NAF1: variants seen among roughly 807,000 people sequenced by gnomAD.
NAF1 encodes the protein nuclear assembly factor 1 ribonucleoprotein, also known as H/ACA ribonucleoprotein complex non-core subunit NAF1.
In NAF1, 11 loss-of-function variants were observed where a neutral mutation model predicts 40.6. The observed-to-expected ratio is 0.27, with a 90% confidence interval of 0.17 to 0.45. The LOEUF (loss-of-function observed/expected upper bound fraction) is 0.45. Ranked by LOEUF, NAF1 falls within the 20% of genes least tolerant of loss-of-function variation. The pLI is 1.00. For synonymous variants in NAF1, 260 were observed against 228.5 expected, an observed-to-expected ratio of 1.14 and a Z score of -1.24; for missense variants, 607 against 611.1, an observed-to-expected ratio of 0.99 and a Z score of 0.07.
intron 2 of NAF1, among the ~76,000 whole-genome samples, chr4:163,160,423 T>C (rs1732170665): frequency 6.7e-6 from 1 of 148,252 alleles, no homozygotes; most frequent in Non-Finnish European, 1.5e-5. Context: ...GGTTATAACC[T>C]AATTTTAAAA....
chr4:163,136,356 A>AG (rs947562682), intron 6 of NAF1: 3 of 150,598 alleles, frequency 2.0e-5, no homozygotes, highest in Admixed American at 2.0e-4. Flanking sequence ...CAAAAAAAAA[A>AG]CTGTAATACT....
chr4:163,162,965 C>T lies in NAF1; in HGVS notation c.540+1252G>A, dbSNP rs1732287327. The stretch of plus-strand genomic sequence containing the variant: ...CCTAAACAAATATGCTAAGACTTTG[C>T]ATTAAATTGGAAGAAATTCCCAAGG... On this transcript the variant is annotated intron_variant, in intron 2 of 7. Coordinates refer to ENST00000274054, the MANE Select transcript of NAF1 (RefSeq NM_138386.3). Among the ~76,000 whole-genome samples the T allele has an allele frequency of 2.0e-5, 3 of 152,218 alleles. No homozygotes were observed. The South Asian group carries it at 6.2e-4, about 32-fold the overall frequency.
intron 2 of NAF1, among the ~76,000 whole-genome samples, chr4:163,153,340 C>A (rs1223411057): frequency 6.6e-6 from 1 of 152,184 alleles, no homozygotes; most frequent in Non-Finnish European, 1.5e-5. Flanking sequence ...TGTGGAGAGT[C>A]TCTATATCTA....
chr4:163,104,609 A>G, the NAF1 span, among the ~76,000 whole-genome samples: 1 of 152,180 alleles, frequency 6.6e-6, no homozygotes, highest in Non-Finnish European at 1.5e-5. Context: ...AGTATCAAGA[A>G]TAGATATTTA....
Position 163,155,160 on chromosome 4 carries a change from G to T in NAF1, c.541-6726C>A, listed in dbSNP as rs117398560. 8.2e-4 allele frequency among the ~76,000 whole-genome samples: 125 copies of T among 152,286 alleles called. 3 individuals are homozygous for T. The South Asian group carries it at 0.017, about 20-fold the overall frequency. ...TTTCAACTAGCAAATTTAATCTACT[G>T]TATCACTACCAAGCCTAGTCATTCT... On this transcript the variant is annotated intron_variant, in intron 2 of 7. Coordinates refer to ENST00000274054, the MANE Select transcript of NAF1 (RefSeq NM_138386.3).
chr4:163,131,209 C>T (rs1469557321), intron 7 of NAF1, among the ~76,000 whole-genome samples: 1 of 152,086 alleles, frequency 6.6e-6, no homozygotes, highest in Admixed American at 6.6e-5. Context: ...TTAGATAGGA[C>T]ATCAAAGGCA....
In NAF1 at chr4:163,128,790, T is replaced by C; in HGVS notation, c.*107A>G. The C allele has an allele frequency of 3.8e-6, 5 of 1,322,440 alleles. No individual in the cohort carries two copies. Among genetic ancestry groups the C allele is most frequent in the Non-Finnish European group, 5.0e-6 (5 of 999,650 alleles). The allele number at this position is 1,322,440 out of a possible 1,614,324, so 81.9% of individuals were successfully genotyped here. A position where few individuals can be genotyped will look rare whatever the true frequency, so the allele number is the denominator to read the frequency against. On this transcript the variant is annotated 3_prime_UTR_variant, in exon 8 of 8. Transcript: ENST00000274054. ...ACTTACAACAGAAGGAATCATTTAG[T>C]ATTTTACAGTGTTTTTAAAAATCTA...
intron 4 of NAF1, among the ~76,000 whole-genome samples, chr4:163,142,869 C>T (rs752712808): frequency 2.0e-5 from 3 of 152,180 alleles, no homozygotes; most frequent in Non-Finnish European, 4.4e-5. Context: ...AGGCTCAGGC[C>T]GGCCCACTTC....
intron 6 of NAF1, 101 bp downstream of exon 6, chr4:163,137,098 A>G (rs1731088402): frequency 8.4e-6 from 11 of 1,308,206 alleles, no homozygotes; most frequent in Non-Finnish European, 1.1e-6. Flanking sequence ...TATGGCTGCT[A>G]GCCAGTATTA....
intron 2 of NAF1, among the ~76,000 whole-genome samples, chr4:163,149,926 G>T (rs1560799435): frequency 6.6e-6 from 1 of 152,088 alleles, no homozygotes; most frequent in South Asian, 2.1e-4. Context: ...AATTGTGAGG[G>T]GAGTTTCACA....
At chr4:163,117,848 T>C (rs989093953) in intron 2 of NAF1, among the ~76,000 whole-genome samples, 25 of 152,190 alleles carry the variant, frequency 1.6e-4, no homozygotes, top group African/African-American at 4.8e-4. Flanking sequence ...ACCTTGCAGA[T>C]TGATTAGCCT....
At chr4:163,121,103 C>A (rs1730506690) in intron 2 of NAF1, among the ~76,000 whole-genome samples, 1 of 152,108 alleles carries the variant, frequency 6.6e-6, no homozygotes, top group African/African-American at 2.4e-5. Context: ...GTTGGCCAGG[C>A]TGGTCTCGAA....
At chr4:163,143,642 A>G (rs1316044400) in intron 4 of NAF1, among the ~76,000 whole-genome samples, 1 of 152,182 alleles carries the variant, frequency 6.6e-6, no homozygotes, top group East Asian at 1.9e-4. Flanking sequence ...TTCTCTAAGT[A>G]ACAATAAATA....
chr4:163,151,365 G>A (rs974310610), intron 2 of NAF1, among the ~76,000 whole-genome samples: 2 of 141,186 alleles, frequency 1.4e-5, no homozygotes, highest in South Asian at 2.2e-4. Context: ...TATTTCTCTA[G>A]TTTTTTTTTT....
At chr4:163,157,183 TGA>T (rs918654713) in intron 2 of NAF1, 51 of 152,238 alleles carry the variant, frequency 3.4e-4, no homozygotes, top group Middle Eastern at 3.4e-3. Flanking sequence ...AAAGCTTTAT[TGA>T]GAGGCAATAT....
downstream of NAF1, among the ~76,000 whole-genome samples, chr4:163,107,228 C>A (rs193054836): frequency 2.0e-5 from 3 of 152,312 alleles, no homozygotes; most frequent in Admixed American, 2.0e-4. Context: ...TTCAAGTGAT[C>A]CGCCCGCCTT....
At chr4:163,134,569 A>G (rs1368792591) in intron 6 of NAF1, among the ~76,000 whole-genome samples, 1 of 152,228 alleles carries the variant, frequency 6.6e-6, no homozygotes, top group Non-Finnish European at 1.5e-5. Context: ...AACAGATTAA[A>G]TGTACAATGA....
At position 163,138,485 on chromosome 4, in the gene NAF1, A is replaced by T. The variant is rs78258247; in HGVS notation, c.879-1235T>A. ...AGGAAAGATCAAGCAACATTTCAAA[A>T]GGCACTTTTAACAAGACAGTAAGTA... On this transcript the variant is annotated intron_variant, in intron 5 of 7. Transcript: ENST00000274054. 3.3e-3 allele frequency among the ~76,000 whole-genome samples: 509 copies of T among 152,264 alleles called. 18 individuals carry two copies. In the East Asian group the frequency reaches 0.051, roughly 15 times the overall value.
intron 2 of NAF1, among the ~76,000 whole-genome samples, chr4:163,114,763 T>C (rs1382973173): frequency 6.6e-6 from 1 of 152,204 alleles, no homozygotes; most frequent in Non-Finnish European, 1.5e-5. Flanking sequence ...CTTATTTTTC[T>C]ACTTTCTGGT....
Sources: allele counts gnomAD v4.1 joint callset (sites outside exome capture counted in the v4.1 genomes callset), GRCh38; gene constraint gnomAD v4.1.1; transcripts MANE v1.5; gene names NCBI Gene and HGNC (gene_info 2026-07-23, HGNC 2026-07-21).